CAMKMT: variants seen among roughly 807,000 people sequenced by gnomAD.
CAMKMT encodes the protein CaM KMT.
Under a neutral mutation model 48.0 loss-of-function variants are expected in CAMKMT, and 53 were observed. That is an observed-to-expected ratio of 1.10 (90% confidence interval 0.89 to 1.39). The LOEUF (loss-of-function observed/expected upper bound fraction) is 1.39. CAMKMT is among the 40% of genes most tolerant of loss of function. The pLI is 0.00. For synonymous variants in CAMKMT, 165 were observed against 152.3 expected (o/e 1.08, Z -0.61); for missense variants, 428 against 402.7 (o/e 1.06, Z -0.54).
intron 3 of CAMKMT, among the ~76,000 whole-genome samples, chr2:44,468,944 G>A (rs1332338391): frequency 2.0e-5 from 3 of 151,944 alleles, no homozygotes; most frequent in Non-Finnish European, 2.9e-5. Flanking sequence ...AAAAACAAAG[G>A]AAAAGAAAGA....
chr2:44,437,710 G>A lies in CAMKMT; in HGVS notation c.376+47405G>A, dbSNP rs200396702. On this transcript the variant is annotated intron_variant, in intron 3 of 10. Coordinates refer to ENST00000378494, the MANE Select transcript of CAMKMT (RefSeq NM_024766.5). ...CAATAATTATAAAAATCATTTGGGC[G>A]TGGTGCATACTTGTAGACCCAGCTA... is the stretch of plus-strand genomic sequence containing the variant. Among the ~76,000 whole-genome samples the A allele has an allele frequency of 3.4e-4, 51 of 152,110 alleles. No homozygotes were observed. In the East Asian group the frequency reaches 5.2e-3, roughly 16 times the overall value.
chr2:44,593,132 C>G (rs889281996), intron 3 of CAMKMT, among the ~76,000 whole-genome samples: 24 of 152,082 alleles, frequency 1.6e-4, no homozygotes, highest in Non-Finnish European at 2.9e-5. Flanking sequence ...TAGGTGGGAC[C>G]AGCAATATTT....
intron 3 of CAMKMT, among the ~76,000 whole-genome samples, chr2:44,551,592 A>G (rs1036658150): frequency 3.9e-5 from 6 of 152,202 alleles, no homozygotes; most frequent in Non-Finnish European, 7.3e-5. Context: ...GTCCATTAGC[A>G]TTGAGGCCAT....
At chr2:44,434,431 T>C (rs1389913592) in intron 3 of CAMKMT, among the ~76,000 whole-genome samples, 1 of 152,220 alleles carries the variant, frequency 6.6e-6, no homozygotes, top group Non-Finnish European at 1.5e-5. Flanking sequence ...TGTCTTTCAA[T>C]ATTAACTCAT....
intron 3 of CAMKMT, among the ~76,000 whole-genome samples, chr2:44,481,408 G>A (rs780827594): frequency 3.3e-5 from 5 of 151,778 alleles, no homozygotes; most frequent in African/African-American, 4.8e-5. Flanking sequence ...CATCACTTAA[G>A]GCAAGGCTCT....
chr2:44,587,895 G>A (rs1292092716), intron 3 of CAMKMT, among the ~76,000 whole-genome samples: 5 of 117,148 alleles, frequency 4.3e-5, no homozygotes, highest in African/African-American at 6.3e-5. Flanking sequence ...CTGCCCGGCC[G>A]CCACCCCGTC....
chr2:44,379,475 G>A (rs984463389), intron 2 of CAMKMT, among the ~76,000 whole-genome samples: 4 of 152,084 alleles, frequency 2.6e-5, no homozygotes, highest in African/African-American at 9.7e-5. Flanking sequence ...TTAACTTTTT[G>A]AGGAATAGCC....
At chr2:44,436,157 C>T (rs1666235710) in intron 3 of CAMKMT, among the ~76,000 whole-genome samples, 1 of 152,090 alleles carries the variant, frequency 6.6e-6, no homozygotes, top group Non-Finnish European at 1.5e-5. Context: ...CTCACTGCAA[C>T]CTCCACCTCC....
chr2:44,517,901 G>A (rs569768826), intron 3 of CAMKMT, among the ~76,000 whole-genome samples: 1 of 152,294 alleles, frequency 6.6e-6, no homozygotes, highest in South Asian at 2.1e-4. Context: ...AGTGAATGAT[G>A]TTTTACACTG....
At chr2:44,407,837 A>T (rs1261897420) in intron 3 of CAMKMT, among the ~76,000 whole-genome samples, 3 of 152,072 alleles carry the variant, frequency 2.0e-5, no homozygotes, top group Non-Finnish European at 2.9e-5. Flanking sequence ...TCAAGATGTC[A>T]TTCATTCATT....
chr2:44,545,681 CTTTT>C (rs71393283), intron 3 of CAMKMT, among the ~76,000 whole-genome samples: 1 of 135,672 alleles, frequency 7.4e-6, no homozygotes, highest in African/African-American at 2.7e-5. Context: ...TAGACTCGGT[CTTTT>C]TTTTTTTTTT....
intron 2 of CAMKMT, among the ~76,000 whole-genome samples, chr2:44,377,282 C>G (rs1048822387): frequency 1.3e-5 from 2 of 152,166 alleles, no homozygotes; most frequent in African/African-American, 4.8e-5. Context: ...GCTGGGATTA[C>G]AGGCGTAAGC....
chr2:44,683,878 A>G (rs1258316613), intron 3 of CAMKMT, among the ~76,000 whole-genome samples: 1 of 151,806 alleles, frequency 6.6e-6, no homozygotes, highest in Admixed American at 6.6e-5. Context: ...GAAAAATAGT[A>G]ATGAATTACT....
intron 3 of CAMKMT, among the ~76,000 whole-genome samples, chr2:44,665,458 T>C (rs1297077650): frequency 1.3e-5 from 2 of 152,090 alleles, no homozygotes; most frequent in Non-Finnish European, 2.9e-5. Context: ...CCAAGAACCT[T>C]ATATTGAGGC....
chr2:44,772,287 G>C lies in CAMKMT; in HGVS notation c.*174G>C, dbSNP rs1457170106. ...CGTTATTCCCCAGCTGCCCTCTCCA[G>C]CTCCCTCCCCGCCTCTTTTTACACT... On this transcript the variant is annotated 3_prime_UTR_variant, in exon 11 of 11. Transcript: ENST00000378494. The C allele has an allele frequency of 1.8e-5, 10 of 559,542 alleles. No individual in the cohort carries two copies. The highest frequency in any genetic ancestry group is 2.2e-5 in the Non-Finnish European group (7 of 316,812). 34.7% of individuals were successfully genotyped at this position (559,542 alleles called of 1,614,324 possible).
chr2:44,408,618 T>C (rs1682949225), intron 3 of CAMKMT, among the ~76,000 whole-genome samples: 1 of 152,182 alleles, frequency 6.6e-6, no homozygotes, highest in African/African-American at 2.4e-5. Flanking sequence ...TGAATAAGGT[T>C]AGTATAACTT....
At chr2:44,583,172 G>T (rs1335132520) in intron 3 of CAMKMT, among the ~76,000 whole-genome samples, 6 of 152,054 alleles carry the variant, frequency 3.9e-5, no homozygotes, top group African/African-American at 1.4e-4. Flanking sequence ...GAGCTTTATT[G>T]ATTAAAATGG....
intron 3 of CAMKMT, among the ~76,000 whole-genome samples, chr2:44,659,566 C>CAAA (rs201673397): frequency 2.6e-5 from 3 of 113,654 alleles, no homozygotes; most frequent in African/African-American, 7.8e-5. Flanking sequence ...CCCATCTCTA[C>CAAA]AAAAAAAAAA....
At chr2:44,521,236 A>C (rs1163709733) in intron 3 of CAMKMT, among the ~76,000 whole-genome samples, 1 of 152,020 alleles carries the variant, frequency 6.6e-6, no homozygotes, top group Non-Finnish European at 1.5e-5. Context: ...TTTACAATTT[A>C]TCTCTTTTAT....
Sources: allele counts gnomAD v4.1 joint callset (sites outside exome capture counted in the v4.1 genomes callset), GRCh38; gene constraint gnomAD v4.1.1; transcripts MANE v1.5; gene names NCBI Gene and HGNC (gene_info 2026-07-23, HGNC 2026-07-21).